Variants in CNTN5 observed in about 807,000 individuals in gnomAD.
CNTN5 encodes contactin-5.
CNTN5 carries 77 observed loss-of-function variants against 129.1 expected under a neutral mutation model. The ratio of observed to expected loss-of-function variants is 0.60; its 90% CI spans 0.50 to 0.72. CNTN5 has a LOEUF of 0.72. Ranked by LOEUF, CNTN5 falls within the 30% of genes least tolerant of loss-of-function variation. The pLI is 0.00. For synonymous variants in CNTN5, 509 were observed against 465.6 expected (o/e 1.09, Z -1.20); for missense variants, 1,478 against 1,328.8 (o/e 1.11, Z -1.75).
intron 13 of CNTN5, among the ~76,000 whole-genome samples, chr11:100,089,476 A>C (rs543335552): frequency 1.8e-4 from 27 of 152,196 alleles, no homozygotes; most frequent in Admixed American, 3.3e-4. Flanking sequence ...AAATTAGTTC[A>C]ACCATTGAGT....
chr11:99,807,211 A>G (rs1220713516), intron 3 of CNTN5, among the ~76,000 whole-genome samples: 3 of 152,328 alleles, frequency 2.0e-5, no homozygotes, highest in East Asian at 1.9e-4. Context: ...AATAACATAA[A>G]GAAAATATTG....
intron 2 of CNTN5, among the ~76,000 whole-genome samples, chr11:99,530,912 T>C (rs1947678675): frequency 6.6e-6 from 1 of 152,216 alleles, no homozygotes; most frequent in African/African-American, 2.4e-5. Context: ...TGGGCATGTC[T>C]TTATCAGCAG....
chr11:99,630,733 A>G (rs932949070), intron 3 of CNTN5, among the ~76,000 whole-genome samples: 1 of 148,640 alleles, frequency 6.7e-6, no homozygotes, highest in African/African-American at 2.5e-5. Context: ...TGTGGATTAG[A>G]CAGTAGAAAC....
At chr11:99,906,435 G>A (rs886739146) in intron 6 of CNTN5, among the ~76,000 whole-genome samples, 2 of 152,138 alleles carry the variant, frequency 1.3e-5, no homozygotes, top group East Asian at 3.8e-4. Context: ...TTATGTGATG[G>A]ATTATGTTTA....
At chr11:99,143,600 A>G (rs1859638820) in intron 1 of CNTN5, among the ~76,000 whole-genome samples, 1 of 151,852 alleles carries the variant, frequency 6.6e-6, no homozygotes, top group Non-Finnish European at 1.5e-5. Flanking sequence ...TATATTGAGC[A>G]CTTCTGCATG....
At chr11:99,318,671 G>T (rs1214108579) in intron 1 of CNTN5, among the ~76,000 whole-genome samples, 1 of 151,702 alleles carries the variant, frequency 6.6e-6, no homozygotes, top group African/African-American at 2.4e-5. Context: ...CCTGGCTCCT[G>T]CTCCCACTAC....
At chr11:99,791,311 G>T (rs1193452180) in intron 3 of CNTN5, among the ~76,000 whole-genome samples, 1 of 151,952 alleles carries the variant, frequency 6.6e-6, no homozygotes, top group Non-Finnish European at 1.5e-5. Flanking sequence ...ATCTTGAGTT[G>T]CTTCTTGTAT....
intron 1 of CNTN5, among the ~76,000 whole-genome samples, chr11:99,234,617 C>T (rs1222434835): frequency 6.6e-6 from 1 of 151,950 alleles, no homozygotes; most frequent in African/African-American, 2.4e-5. Context: ...AGGCATGATC[C>T]AAGTCAGTTA....
At chr11:99,349,655 G>A (rs1485238368) in intron 2 of CNTN5, among the ~76,000 whole-genome samples, 2 of 152,192 alleles carry the variant, frequency 1.3e-5, no homozygotes, top group Admixed American at 1.3e-4. Flanking sequence ...GGAGATGTTA[G>A]AAGGGAGAAG....
chr11:100,225,602 C>G (rs1949355417), intron 16 of CNTN5, among the ~76,000 whole-genome samples: 1 of 151,876 alleles, frequency 6.6e-6, no homozygotes, highest in African/African-American at 2.4e-5. Flanking sequence ...AGATGTATAA[C>G]TTAATGAACA....
chr11:99,870,199 A>T (rs559800820), intron 6 of CNTN5, among the ~76,000 whole-genome samples: 111 of 152,104 alleles, frequency 7.3e-4, no homozygotes, highest in Non-Finnish European at 1.5e-3. Flanking sequence ...AAGAAGAAAG[A>T]CGTGATTTTT....
At position 100,339,647 on chromosome 11, in the gene CNTN5, G is replaced by A. The variant is rs76085237; in HGVS notation, c.2731-816G>A. Among the ~76,000 whole-genome samples, 41 of 152,224 alleles carry A rather than the reference G, an allele frequency of 2.7e-4. No homozygotes were observed. The East Asian group carries it at 7.2e-3, about 27-fold the overall frequency. ...CAGCTTGAAGGTGCAGTTTCACTGGGGACCCATTTCTGTCTGCCTAGAATT... is the reference window on the plus strand; with the variant it reads ...CAGCTTGAAGGTGCAGTTTCACTGGAGACCCATTTCTGTCTGCCTAGAATT... On this transcript the variant is annotated intron_variant, in intron 21 of 24. Coordinates refer to ENST00000524871, the MANE Select transcript of CNTN5 (RefSeq NM_014361.4).
At chr11:99,519,346 G>C (rs1219238991) in intron 2 of CNTN5, among the ~76,000 whole-genome samples, 1 of 151,916 alleles carries the variant, frequency 6.6e-6, no homozygotes, top group African/African-American at 2.4e-5. Flanking sequence ...ACATCATGCT[G>C]CTATCCTTAC....
At chr11:99,391,791 T>C (rs1324596100) in intron 2 of CNTN5, among the ~76,000 whole-genome samples, 1 of 151,998 alleles carries the variant, frequency 6.6e-6, no homozygotes, top group East Asian at 1.9e-4. Flanking sequence ...AAAAACATTT[T>C]TGTATAAATT....
intron 15 of CNTN5, among the ~76,000 whole-genome samples, chr11:100,211,419 T>C (rs1419360086): frequency 6.6e-6 from 1 of 152,018 alleles, no homozygotes; most frequent in Non-Finnish European, 1.5e-5. Flanking sequence ...ACCAACGGAA[T>C]TGAGCTATAG....
At chr11:100,338,490 G>A (rs1216063462) in intron 21 of CNTN5, among the ~76,000 whole-genome samples, 1 of 152,186 alleles carries the variant, frequency 6.6e-6, no homozygotes, top group African/African-American at 2.4e-5. Flanking sequence ...AATGGGTGCA[G>A]TAATCTACTA....
chr11:100,023,793 G>A (rs958101864), intron 9 of CNTN5, among the ~76,000 whole-genome samples: 3 of 151,880 alleles, frequency 2.0e-5, no homozygotes, highest in Non-Finnish European at 4.4e-5. Flanking sequence ...TTTAAATTTA[G>A]TAATGCACAC....
chr11:99,638,762 G>A (rs1439033130), intron 3 of CNTN5, among the ~76,000 whole-genome samples: 4 of 152,158 alleles, frequency 2.6e-5, no homozygotes, highest in African/African-American at 4.8e-5. Context: ...TAAGAGATGG[G>A]TTCCCATGAT....
At chr11:100,028,076 GA>G (rs374941387) in intron 9 of CNTN5, among the ~76,000 whole-genome samples, 10 of 151,304 alleles carry the variant, frequency 6.6e-5, no homozygotes, top group Middle Eastern at 3.4e-3. Context: ...TAAATTATGG[GA>G]AAAAAAACAG....
Sources: allele counts gnomAD v4.1 joint callset (sites outside exome capture counted in the v4.1 genomes callset), GRCh38; gene constraint gnomAD v4.1.1; transcripts MANE v1.5; gene names NCBI Gene and HGNC (gene_info 2026-07-23, HGNC 2026-07-21).